Variants in NKAIN1 observed in about 807,000 individuals in gnomAD.
The protein encoded by NKAIN1 is sodium/potassium-transporting ATPase subunit beta-1-interacting protein 1.
In NKAIN1, 13 loss-of-function variants were observed where a neutral mutation model predicts 31.6. The ratio of observed to expected loss-of-function variants is 0.41; its 90% CI spans 0.27 to 0.65. The LOEUF is 0.65. Among genes scored for constraint, NKAIN1 ranks in the 30% least tolerant of loss-of-function variants. The pLI, the probability that NKAIN1 is intolerant of heterozygous loss-of-function variation, is 0.30. For synonymous variants in NKAIN1, 104 were observed against 109.0 expected (o/e 0.95, Z 0.28); for missense variants, 193 against 262.2 (o/e 0.74, Z 1.82).
chr1:31,189,007 C>T (rs557398691), intron 1 of NKAIN1, among the ~76,000 whole-genome samples: 8 of 149,976 alleles, frequency 5.3e-5, no homozygotes, highest in African/African-American at 1.5e-4. Context: ...AGTGAGACCC[C>T]GTCTCAAAAA....
intron 1 of NKAIN1, among the ~76,000 whole-genome samples, chr1:31,191,136 C>T (rs141776634): frequency 7.1e-4 from 108 of 152,252 alleles, no homozygotes; most frequent in Non-Finnish European, 1.2e-3. Flanking sequence ...ACTGAAAATA[C>T]GAAAGTTAGC....
chr1:31,232,855 T>C (rs779393648), intron 1 of NKAIN1, among the ~76,000 whole-genome samples: 2 of 152,118 alleles, frequency 1.3e-5, no homozygotes, highest in Non-Finnish European at 2.9e-5. Flanking sequence ...TTATCTCCTG[T>C]TTCCTTGGAG....
chr1:31,209,688 A>G (rs190857116), intron 1 of NKAIN1, among the ~76,000 whole-genome samples: 2 of 151,862 alleles, frequency 1.3e-5, no homozygotes, highest in African/African-American at 4.8e-5. Context: ...ATAGTGGTGT[A>G]TGCCTGTAGT....
At position 31,233,138 on chromosome 1, in the gene NKAIN1, T is replaced by C. The variant is rs1321541077; in HGVS notation, c.54+6356A>G. 6.6e-6 allele frequency among the ~76,000 whole-genome samples: 1 copy of C among 152,154 alleles called. No individual in the cohort carries two copies. The highest frequency in any genetic ancestry group is 1.5e-5 in the Non-Finnish European group (1 of 68,028). ...TAATTTTTTGTATTTTTAGTAGAGA[T>C]GCGGTTTCACCACATTGGCCAGGCT... On this transcript the variant is annotated intron_variant, in intron 1 of 6. Coordinates refer to ENST00000373736, the MANE Select transcript of NKAIN1 (RefSeq NM_024522.3). The surrounding 1 kb of genome is among the most constrained non-coding windows in gnomAD (Gnocchi z 4.0).
chr1:31,214,614 T>C (rs1645496604), intron 1 of NKAIN1, among the ~76,000 whole-genome samples: 1 of 152,204 alleles, frequency 6.6e-6, no homozygotes, highest in African/African-American at 2.4e-5. Flanking sequence ...AAAATCCCTG[T>C]TGTGCTCAGT....
Position 31,223,666 on chromosome 1 carries a change from G to A in NKAIN1, c.54+15828C>T, listed in dbSNP as rs956625986. Among the ~76,000 whole-genome samples the A allele has an allele frequency of 3.9e-5, 6 of 152,064 alleles. No individual in the cohort carries two copies. The South Asian group carries it at 6.2e-4, about 16-fold the overall frequency. On this transcript the variant is annotated intron_variant, in intron 1 of 6. Coordinates refer to ENST00000373736, the MANE Select transcript of NKAIN1 (RefSeq NM_024522.3). ...TCACCGTGTTAGCCAGGATGGTCCC[G>A]ATCTCCTGACCTCGTGATTCGCCTG...
chr1:31,208,629 TGGG>T (rs202124168), intron 1 of NKAIN1, among the ~76,000 whole-genome samples: 1 of 76,252 alleles, frequency 1.3e-5, no homozygotes, highest in Admixed American at 1.6e-4. Context: ...CCCCACATAG[TGGG>T]GGGAGGGGGC....
chr1:31,219,019 C>A (rs1302375385), intron 1 of NKAIN1, among the ~76,000 whole-genome samples: 1 of 152,258 alleles, frequency 6.6e-6, no homozygotes, highest in Non-Finnish European at 1.5e-5. Context: ...CAAGTCCAGA[C>A]CCTTCTCTAA....
chr1:31,188,296 A>T, intron 1 of NKAIN1, 109 bp from the exon 2 acceptor site: 16 of 1,218,234 alleles, frequency 1.3e-5, no homozygotes, highest in Non-Finnish European at 1.7e-5. Flanking sequence ...GTGATGAGGC[A>T]TAAGCCTCAG....
intron 1 of NKAIN1, among the ~76,000 whole-genome samples, chr1:31,195,277 C>T (rs1385096886): frequency 1.3e-5 from 2 of 151,836 alleles, no homozygotes. Context: ...CGCCACCATG[C>T]CCGGCTTAAT....
At chr1:31,209,989 T>TAA (rs71569969) in intron 1 of NKAIN1, among the ~76,000 whole-genome samples, 3,415 of 137,124 alleles carry the variant, frequency 0.025, 158 homozygotes, top group African/African-American at 0.089. Context: ...CCTGTCTTAT[T>TAA]AAAAAAAAAA....
chr1:31,235,452 C>T (rs1482972663), intron 1 of NKAIN1, among the ~76,000 whole-genome samples: 1 of 152,070 alleles, frequency 6.6e-6, no homozygotes, highest in Non-Finnish European at 1.5e-5. Flanking sequence ...TGGTGACATG[C>T]ACCTGTTGTC....
rs537314535 is a variant in NKAIN1 at position 31,190,328 on chromosome 1, C to T, written c.55-2141G>A. On this transcript the variant is annotated intron_variant, in intron 1 of 6. Coordinates refer to ENST00000373736, the MANE Select transcript of NKAIN1 (RefSeq NM_024522.3). ...CACTTGGCACCAGCCTGCCTCTTGTCGGTGACTCCCCTCCCAGGGATGTGC... is the reference window on the plus strand; with the variant it reads ...CACTTGGCACCAGCCTGCCTCTTGTTGGTGACTCCCCTCCCAGGGATGTGC... 1.4e-4 allele frequency among the ~76,000 whole-genome samples: 21 copies of T among 152,272 alleles called. No homozygotes were observed. In the South Asian group the frequency reaches 3.5e-3, roughly 26 times the overall value.
intron 1 of NKAIN1, among the ~76,000 whole-genome samples, chr1:31,232,246 C>G (rs992517847): frequency 3.4e-4 from 51 of 149,484 alleles, no homozygotes; most frequent in African/African-American, 1.2e-3. Flanking sequence ...CATGAGCTAC[C>G]ATGCCTGGCT....
intron 5 of NKAIN1, 85 bp downstream of exon 5, chr1:31,182,430 ACCCTGGGCTCCCTCC>A: frequency 7.3e-7 from 1 of 1,376,304 alleles, no homozygotes; most frequent in African/African-American, 1.4e-5. Flanking sequence ...CCCGTGGCCG[ACCCTGGGCTCCCTCC>A]CGCCGGGGCC....
chr1:31,182,027 G>T, intron 5 of NKAIN1, 86 bp from the exon 6 acceptor site: 2 of 1,315,320 alleles, frequency 1.5e-6, no homozygotes, highest in Non-Finnish European at 2.1e-6. Context: ...GAATCTGAGG[G>T]CAGGACTCCC....
chr1:31,185,487 C>T (rs1645235465), intron 2 of NKAIN1, among the ~76,000 whole-genome samples, 160 bp from the exon 3 acceptor site: 1 of 152,178 alleles, frequency 6.6e-6, no homozygotes, highest in Non-Finnish European at 1.5e-5. Context: ...TTTACACACC[C>T]ATCAGGCCTT....
chr1:31,194,767 C>CTCTT (rs1645311173), intron 1 of NKAIN1, among the ~76,000 whole-genome samples: 1 of 99,400 alleles, frequency 1.0e-5, no homozygotes, highest in African/African-American at 4.3e-5. Context: ...CTCTCTCTCT[C>CTCTT]TTTTTTTTTT....
rs542671307 is a variant in NKAIN1, at chr1:31,225,033, C to CTTTTCTTTTTTTTTTTTTTTTTTT, written c.54+14460_54+14461insAAAAAAAAAAAAAAAAAAAGAAAA. 3.7e-3 allele frequency among the ~76,000 whole-genome samples: 417 copies of CTTTTCTTTTTTTTTTTTTTTTTTT among 111,970 alleles called. 9 individuals are homozygous for CTTTTCTTTTTTTTTTTTTTTTTTT. The highest frequency in any genetic ancestry group is 5.1e-3 in the Non-Finnish European group (300 of 58,372). The allele number at this position is 111,970 out of a possible 152,430, so 73.5% of individuals were successfully genotyped here. A position where few individuals can be genotyped will look rare whatever the true frequency, so the allele number is the denominator to read the frequency against. On this transcript the variant is annotated intron_variant, in intron 1 of 6. Transcript: ENST00000373736. ...AGCCCATTTCTTTTTCTTTTCTTTTCTTTTTTTTTTTTTGAGACGGACTCT... is the reference window on the plus strand; with the variant it reads ...AGCCCATTTCTTTTTCTTTTCTTTTCTTTTCTTTTTTTTTTTTTTTTTTTTTTTTTTTTTTTTGAGACGGACTCT...
Sources: gnomAD v4.1 joint callset for allele counts (sites outside exome capture counted in the v4.1 genomes callset) on GRCh38, gnomAD v4.1.1 for gene constraint, Gnocchi (gnomAD v3.1) non-coding constraint, MANE v1.5 for transcripts, NCBI Gene and HGNC (gene_info 2026-07-23, HGNC 2026-07-21) for gene names.